The following ESYT2 variants were observed in gnomAD, a reference collection of about 807,000 sequenced individuals.
The protein encoded by ESYT2 is extended synaptotagmin-2.
Under a neutral mutation model 107.2 loss-of-function variants are expected in ESYT2, and 54 were observed. That is an observed-to-expected ratio of 0.50 (90% CI 0.40 to 0.63). ESYT2 has a LOEUF of 0.63. ESYT2 is among the 30% of genes least tolerant of loss of function. The pLI, the probability that ESYT2 is intolerant of heterozygous loss-of-function variation, is 0.00. For missense variants in ESYT2, 1,020 were observed against 1,094.5 expected (o/e 0.93, Z 0.96); for synonymous variants, 491 against 434.1 (o/e 1.13, Z -1.63).
At chr7:158,756,167 G>T (rs777025812) in intron 13 of ESYT2, among the ~76,000 whole-genome samples, 2 of 152,180 alleles carry the variant, frequency 1.3e-5, no homozygotes, top group African/African-American at 4.8e-5. Flanking sequence ...AATGCAAAGC[G>T]CTATCACTGC....
chr7:158,734,326 G>C, intron 22 of ESYT2, 74 bp from the exon 23 acceptor site: 1 of 1,612,080 alleles, frequency 6.2e-7, no homozygotes, highest in Non-Finnish European at 8.5e-7. Context: ...ATACGTGTCG[G>C]GTTCCACCAC....
intron 1 of ESYT2, among the ~76,000 whole-genome samples, chr7:158,802,778 C>T (rs1021422090): frequency 6.6e-6 from 1 of 152,148 alleles, no homozygotes; most frequent in Non-Finnish European, 1.5e-5. Context: ...AAGAAAGATG[C>T]TACACCTGAG....
intron 7 of ESYT2, among the ~76,000 whole-genome samples, chr7:158,772,682 C>G (rs1838413927): frequency 6.6e-6 from 1 of 152,134 alleles, no homozygotes; most frequent in Non-Finnish European, 1.5e-5. Context: ...CTCCTTGTCT[C>G]TAAGCAGGGA....
chr7:158,794,681 TA>T (rs1839408719), intron 3 of ESYT2, among the ~76,000 whole-genome samples: 1 of 147,144 alleles, frequency 6.8e-6, no homozygotes, highest in Non-Finnish European at 1.5e-5. Context: ...GAGGCTGTGG[TA>T]GGGGGAATCC....
At chr7:158,806,086 G>A (rs952831634) in intron 1 of ESYT2, among the ~76,000 whole-genome samples, 4 of 152,162 alleles carry the variant, frequency 2.6e-5, no homozygotes, top group South Asian at 4.1e-4. Context: ...CGTGGGAGGC[G>A]CCGGGGCACA....
At chr7:158,800,556 A>C (rs1839606455) in intron 1 of ESYT2, among the ~76,000 whole-genome samples, 1 of 151,780 alleles carries the variant, frequency 6.6e-6, no homozygotes, top group African/African-American at 2.4e-5. Context: ...CCAACTGGCT[A>C]ATTTTTAAAT....
At chr7:158,748,885 A>T (rs758300089) in intron 15 of ESYT2, among the ~76,000 whole-genome samples, 1 of 149,502 alleles carries the variant, frequency 6.7e-6, no homozygotes, top group Non-Finnish European at 1.5e-5. Flanking sequence ...ATGCCCAGCT[A>T]ATTTTTTTTC....
chr7:158,791,411 T>C (rs1037716989), intron 4 of ESYT2, among the ~76,000 whole-genome samples: 1 of 152,190 alleles, frequency 6.6e-6, no homozygotes, highest in Non-Finnish European at 1.5e-5. Flanking sequence ...TCTGCTCAAG[T>C]CCCGGCTTTC....
chr7:158,789,350 TG>T (rs1839208345), intron 4 of ESYT2, among the ~76,000 whole-genome samples: 2 of 152,114 alleles, frequency 1.3e-5, no homozygotes, highest in African/African-American at 4.8e-5. Flanking sequence ...TTCTATGACT[TG>T]ATCATTTTCT....
intron 1 of ESYT2, among the ~76,000 whole-genome samples, chr7:158,816,365 G>C (rs571660649): frequency 9.0e-4 from 137 of 152,272 alleles, no homozygotes; most frequent in African/African-American, 3.2e-3. Context: ...CTTGTCTAAC[G>C]AAAAGAAAGA....
At chr7:158,734,958 C>T (rs964219992) in intron 21 of ESYT2, among the ~76,000 whole-genome samples, 2 of 152,200 alleles carry the variant, frequency 1.3e-5, no homozygotes, top group Non-Finnish European at 2.9e-5. Context: ...TAAGCTACAT[C>T]GCTGAATACA....
chr7:158,821,756 C>A (rs1482730130), intron 1 of ESYT2, among the ~76,000 whole-genome samples: 2 of 152,182 alleles, frequency 1.3e-5, no homozygotes, highest in Non-Finnish European at 2.9e-5. Context: ...GAGTTACAAC[C>A]CTATCAGAAC....
At chr7:158,763,710 G>A (rs549339496) in intron 9 of ESYT2, among the ~76,000 whole-genome samples, 3 of 152,156 alleles carry the variant, frequency 2.0e-5, no homozygotes, top group East Asian at 3.9e-4. Flanking sequence ...TTGTTTCTAG[G>A]GATCCTGGAT....
In ESYT2 at chr7:158,774,996, T is replaced by C. The variant is rs534637913; in HGVS notation, c.748-1600A>G. Among the ~76,000 whole-genome samples, 268 of 152,222 alleles carry C rather than the reference T, an allele frequency of 1.8e-3. 3 individuals carry two copies. Among genetic ancestry groups the C allele is most frequent in the African/African-American group, 6.3e-3 (260 of 41,484 alleles). ...AAGAGAATACAATTCAAAGATGCTA[T>C]TTAACAAAGAAATAAAGAATTTTTC... On this transcript the variant is annotated intron_variant, in intron 6 of 22. Coordinates refer to ENST00000275418, the MANE Select transcript of ESYT2 (RefSeq NM_001367773.1).
chr7:158,754,220 A>G (rs1403131120), intron 13 of ESYT2, among the ~76,000 whole-genome samples: 1 of 151,888 alleles, frequency 6.6e-6, no homozygotes, highest in Non-Finnish European at 1.5e-5. Flanking sequence ...TATTATTTAT[A>G]TTTTTGAGAC....
rs753781455 is a variant in ESYT2 at position 158,793,666 on chromosome 7, A to G, written c.568T>C (p.Leu190=). 2 of 1,613,000 alleles carry G rather than the reference A, an allele frequency of 1.2e-6. No individual in the cohort carries two copies. The highest frequency in any genetic ancestry group is 4.5e-5 in the East Asian group (2 of 44,854). ...AAAACTTACCTAATCTGAAGGTCCA[A>G]AATAATTTGCCTTTTGTCTACATTT... ...TENVDKRQII[L]DLQISFVGNC... is the part of the protein sequence containing the mutation. The change falls in exon 4 of 23, where the codon TTG becomes CTG. Residue 190 remains leucine (L), a synonymous_variant. Coordinates refer to ENST00000275418, the MANE Select transcript of ESYT2 (RefSeq NM_001367773.1).
At chr7:158,813,851 A>C (rs1408684458) in intron 1 of ESYT2, among the ~76,000 whole-genome samples, 3 of 152,080 alleles carry the variant, frequency 2.0e-5, no homozygotes, top group Non-Finnish European at 4.4e-5. Flanking sequence ...CGTCCCGATG[A>C]CTCTCACAGA....
At chr7:158,788,242 CA>C in intron 5 of ESYT2, 102 bp downstream of exon 5, 8 of 1,270,756 alleles carry the variant, frequency 6.3e-6, no homozygotes, top group Non-Finnish European at 8.8e-6. Context: ...AACTGAACGT[CA>C]AAAAAATTCC....
At chr7:158,806,151 A>AGGTGCCGGGGCACACCGTGTG (rs1839828223) in intron 1 of ESYT2, among the ~76,000 whole-genome samples, 4 of 134,858 alleles carry the variant, frequency 3.0e-5, no homozygotes, top group African/African-American at 1.3e-4. Flanking sequence ...CACACCGCGT[A>AGGTGCCGGGGCACACCGTGTG]GGAGGCGCTG....
Sources: gnomAD v4.1 joint callset for allele counts (sites outside exome capture counted in the v4.1 genomes callset) on GRCh38, gnomAD v4.1.1 for gene constraint, MANE v1.5 for transcripts, NCBI Gene and HGNC (gene_info 2026-07-23, HGNC 2026-07-21) for gene names.